ADH5: variants seen among roughly 807,000 people sequenced by gnomAD.
ADH5 encodes alcohol dehydrogenase class-3.
A neutral mutation model predicts 40.3 loss-of-function variants in ADH5; 32 were observed. The ratio of observed to expected loss-of-function variants is 0.79; its 90% CI spans 0.60 to 1.07. The LOEUF is 1.07. Ranked by LOEUF, ADH5 falls within the 50% of genes least tolerant of loss-of-function variation. The pLI is 0.00. For missense variants in ADH5, 353 were observed against 460.5 expected (o/e 0.77, Z 2.14); for synonymous variants, 125 against 154.3 (o/e 0.81, Z 1.41).
chr4:99,082,273 T>C (rs1728040519), intron 2 of ADH5, among the ~76,000 whole-genome samples, 157 bp from the exon 3 acceptor site: 1 of 152,242 alleles, frequency 6.6e-6, no homozygotes, highest in Admixed American at 6.5e-5. Context: ...CATGTGCTTA[T>C]AATCCATGGC....
chr4:99,074,829 T>TA (rs981698974), intron 7 of ADH5, 85 bp downstream of exon 7: 21 of 1,420,412 alleles, frequency 1.5e-5, no homozygotes, highest in African/African-American at 1.0e-4. Context: ...CTTGTTAATA[T>TA]AAAAAAAATT....
chr4:99,085,102 A>C lies in ADH5; in HGVS notation c.114+13T>G. The stretch of plus-strand genomic sequence containing the variant: ...TGTCTCTTTTTTTCCCAGTGCCTTA[A>C]ATGTATCATTACCTTGATTCGAACT... On this transcript the variant is annotated intron_variant, in intron 2 of 8. Coordinates refer to ENST00000296412, the MANE Select transcript of ADH5 (RefSeq NM_000671.4). 7.0e-7 allele frequency: 1 copy of C among 1,430,924 alleles called. No homozygotes were observed. The allele number at this position is 1,430,924 out of a possible 1,614,324, so 88.6% of individuals were successfully genotyped here.
At chr4:99,074,829 T>A in intron 7 of ADH5, 85 bp downstream of exon 7, 1 of 1,420,606 alleles carries the variant, frequency 7.0e-7, no homozygotes, top group Non-Finnish European at 9.4e-7. Flanking sequence ...CTTGTTAATA[T>A]AAAAAAAATT....
intron 2 of ADH5, 102 bp downstream of exon 2, chr4:99,085,013 A>G (rs902581758): frequency 1.9e-6 from 1 of 514,962 alleles, no homozygotes; most frequent in African/African-American, 2.0e-5. Flanking sequence ...TTTCTTTGAC[A>G]CTGTCCTTTG....
intron 1 of ADH5, among the ~76,000 whole-genome samples, chr4:99,087,205 G>T (rs1055695500): frequency 6.6e-6 from 1 of 151,978 alleles, no homozygotes; most frequent in African/African-American, 2.4e-5. Context: ...CCACTATGGC[G>T]AAACCCCGTC....
chr4:99,077,650 A>T (rs191397121), intron 4 of ADH5, among the ~76,000 whole-genome samples: 1 of 152,226 alleles, frequency 6.6e-6, no homozygotes, highest in Non-Finnish European at 1.5e-5. Context: ...ATCTTTCAGG[A>T]GGCATTTTTC....
chr4:99,080,493 C>G (rs914742294), intron 4 of ADH5: 4 of 80,154 alleles, frequency 5.0e-5, no homozygotes, highest in African/African-American at 1.6e-4. Flanking sequence ...TTCACATCCC[C>G]CCGCTTCTTT....
intron 1 of ADH5, chr4:99,085,731 A>C (rs1250688893): frequency 1.2e-5 from 2 of 160,996 alleles, no homozygotes; most frequent in African/African-American, 4.8e-5. Context: ...AAATATGACT[A>C]CTGAGCTCTT....
At chr4:99,082,477 A>C (rs1304816542) in intron 2 of ADH5, among the ~76,000 whole-genome samples, 1 of 152,200 alleles carries the variant, frequency 6.6e-6, no homozygotes, top group African/African-American at 2.4e-5. Context: ...AACAGGTGGA[A>C]TCCAACTCAC....
chr4:99,088,736 C>T lies in ADH5; in HGVS notation c.-36G>A. 7.1e-7 allele frequency: 1 copy of T among 1,418,074 alleles called. No homozygotes were observed. Among genetic ancestry groups the T allele is most frequent in the Non-Finnish European group, 9.4e-7 (1 of 1,064,792 alleles). 87.8% of individuals were successfully genotyped at this position (1,418,074 alleles called of 1,614,324 possible). On this transcript the variant is annotated 5_prime_UTR_variant, in exon 1 of 9. Coordinates refer to ENST00000296412, the MANE Select transcript of ADH5 (RefSeq NM_000671.4). ...TCTGGTCGGCGCGGGGGGCTGACATCCGGGGTGGGCCGCGCAGCGACGGAG... is the reference window on the plus strand; with the variant it reads ...TCTGGTCGGCGCGGGGGGCTGACATTCGGGGTGGGCCGCGCAGCGACGGAG...
At chr4:99,082,140 A>G in intron 2 of ADH5, 24 bp from the exon 3 acceptor site, 6 of 1,609,340 alleles carry the variant, frequency 3.7e-6, no homozygotes, top group Non-Finnish European at 5.1e-6. Context: ...AAAACAACGA[A>G]TGTGTAAGTA....
Position 99,076,862 on chromosome 4 carries a change from T to C in ADH5, c.406A>G (p.Thr136Ala). The change falls in exon 5 of 9, where the codon ACA (threonine) becomes GCA (alanine). Residue 136 changes from threonine (T) to alanine (A), a missense_variant. Thr to Ala is a moderately conservative substitution (Grantham distance 58). Coordinates refer to ENST00000296412, the MANE Select transcript of ADH5 (RefSeq NM_000671.4). ...CTGGTTCCCATGTAATGCAAAATTGTCTTTCCTTTGCAAGTAAATCTGCTG... is the reference window on the plus strand; with the variant it reads ...CTGGTTCCCATGTAATGCAAAATTGCCTTTCCTTTGCAAGTAAATCTGCTG... ...GTSRFTCKGK[T>A]ILHYMGTSTF... The C allele has an allele frequency of 6.2e-7, 1 of 1,613,944 alleles. No individual in the cohort carries two copies. The highest frequency in any genetic ancestry group is 8.5e-7 in the Non-Finnish European group (1 of 1,179,862).
chr4:99,076,464 C>A lies in ADH5; in HGVS notation c.653G>T (p.Arg218Leu), dbSNP rs542524438. The change falls in exon 6 of 9, where the codon CGG becomes CTG. Residue 218 changes from arginine (R) to leucine (L), a missense_variant. Coordinates refer to ENST00000296412, the MANE Select transcript of ADH5 (RefSeq NM_000671.4). Reference sequence around the variant, plus strand: ...TTTATTGATGTCCACACCAATGATCCGGGAAGCACCAGCCACTTTACAGCC... The same window carrying A: ...TTTATTGATGTCCACACCAATGATCAGGGAAGCACCAGCCACTTTACAGCC... ...IMGCKVAGASRIIGVDINKDK... is the reference protein window; with the variant it reads ...IMGCKVAGASLIIGVDINKDK... 2 of 1,614,028 alleles carry A rather than the reference C, an allele frequency of 1.2e-6. No individual in the cohort carries two copies. The highest frequency in any genetic ancestry group is 2.2e-5 in the East Asian group (1 of 44,882).
chr4:99,087,342 A>G (rs1366230749), intron 1 of ADH5, among the ~76,000 whole-genome samples: 1 of 128,374 alleles, frequency 7.8e-6, no homozygotes, highest in Admixed American at 9.3e-5. Context: ...AGATCGCGCT[A>G]TCGCACTCCA....
chr4:99,081,373 C>T lies in ADH5; in HGVS notation c.336G>A (p.Gln112=). 1 of 1,587,914 alleles carries T rather than the reference C, an allele frequency of 6.3e-7. No homozygotes were observed. The highest frequency in any genetic ancestry group is 8.6e-7 in the Non-Finnish European group (1 of 1,162,032). The change falls in exon 4 of 9, where the codon CAG becomes CAA. Residue 112 remains glutamine, a synonymous_variant. Coordinates refer to ENST00000296412, the MANE Select transcript of ADH5 (RefSeq NM_000671.4). ...CATAAAAAGATACTAACCTTATCTTCTGGCAAAGGTTAGTTTTAGGATTTA... is the reference window on the plus strand; with the variant it reads ...CATAAAAAGATACTAACCTTATCTTTTGGCAAAGGTTAGTTTTAGGATTTA... ...FCLNPKTNLC[Q]KIRVTQGKGL...
chr4:99,088,788 G>A lies in ADH5; in HGVS notation c.-88C>T. ...CATGGGCGTGGCGAGCGCCTAGCGA[G>A]GGGGGCGGGGCGTGGGGGGGGCTTG... On this transcript the variant is annotated 5_prime_UTR_variant, in exon 1 of 9. Coordinates refer to ENST00000296412, the MANE Select transcript of ADH5 (RefSeq NM_000671.4). 1.2e-6 allele frequency: 1 copy of A among 835,392 alleles called. No individual in the cohort carries two copies. The highest frequency in any genetic ancestry group is 1.6e-5 in the South Asian group (1 of 61,670). The allele number at this position is 835,392 out of a possible 1,614,324, so 51.7% of individuals were successfully genotyped here.
At chr4:99,082,179 A>G (rs1728039029) in intron 2 of ADH5, 63 bp from the exon 3 acceptor site, 1 of 1,517,842 alleles carries the variant, frequency 6.6e-7, no homozygotes, top group South Asian at 1.3e-5. Flanking sequence ...AGGTACAGAT[A>G]CAAGAAAAGT....
intron 3 of ADH5, 32 bp downstream of exon 3, chr4:99,081,940 AATT>A (rs1728032824): frequency 6.2e-7 from 1 of 1,610,126 alleles, no homozygotes; most frequent in African/African-American, 1.3e-5. Flanking sequence ...AATAAGCCAA[AATT>A]ATTAAACAAG....
At chr4:99,088,574 A>G (rs1728197145) in intron 1 of ADH5, 115 bp downstream of exon 1, 1 of 1,144,672 alleles carries the variant, frequency 8.7e-7, no homozygotes, top group Non-Finnish European at 1.2e-6. Flanking sequence ...TTCAGAACCA[A>G]GAGCCAGATC....
Sources: gnomAD v4.1 joint callset for allele counts (sites outside exome capture counted in the v4.1 genomes callset) on GRCh38, gnomAD v4.1.1 for gene constraint, MANE v1.5 for transcripts, NCBI Gene and HGNC (gene_info 2026-07-23, HGNC 2026-07-21) for gene names.